Variants in PSD3 observed in about 807,000 individuals in gnomAD.
PSD3 encodes the protein PH and SEC7 domain-containing protein 3.
Under a neutral mutation model 105.5 loss-of-function variants are expected in PSD3, and 49 were observed. The observed-to-expected ratio is 0.46, with a 90% confidence interval of 0.37 to 0.59. The LOEUF (loss-of-function observed/expected upper bound fraction) is 0.59. Ranked by LOEUF, PSD3 falls within the 20% of genes least tolerant of loss-of-function variation. The pLI is 0.00. For missense variants in PSD3, 1,561 were observed against 1,263.8 expected (o/e 1.24, Z -3.57); for synonymous variants, 557 against 457.8 (o/e 1.22, Z -2.77).
chr8:18,767,027 T>G (rs897605584), intron 8 of PSD3, among the ~76,000 whole-genome samples: 6 of 152,142 alleles, frequency 3.9e-5, no homozygotes, highest in Admixed American at 1.3e-4. Context: ...TCACTGTATA[T>G]AGAAATAATC....
At chr8:18,978,926 A>G (rs1825100604) in intron 1 of PSD3, among the ~76,000 whole-genome samples, 1 of 152,092 alleles carries the variant, frequency 6.6e-6, no homozygotes, top group African/African-American at 2.4e-5. Flanking sequence ...CAACCACAGA[A>G]GAGCTTCCAG....
chr8:18,834,739 A>G (rs907760161), intron 4 of PSD3, among the ~76,000 whole-genome samples: 23 of 152,336 alleles, frequency 1.5e-4, no homozygotes, highest in African/African-American at 3.8e-4. Context: ...ACGCCATGAA[A>G]AAAAGGGAGA....
intron 2 of PSD3, among the ~76,000 whole-genome samples, chr8:18,886,473 G>A (rs1199084906): frequency 1.3e-5 from 2 of 152,058 alleles, no homozygotes; most frequent in African/African-American, 4.8e-5. Context: ...GTCTCCTACT[G>A]GGACGCTCGA....
intron 2 of PSD3, among the ~76,000 whole-genome samples, chr8:18,918,022 G>C (rs923857520): frequency 6.6e-6 from 1 of 152,112 alleles, no homozygotes; most frequent in Non-Finnish European, 1.5e-5. Context: ...CCTACTTCCA[G>C]AATGATTTCC....
chr8:18,560,941 G>A (rs1466560974), intron 14 of PSD3, among the ~76,000 whole-genome samples: 4 of 152,150 alleles, frequency 2.6e-5, no homozygotes, highest in African/African-American at 9.7e-5. Flanking sequence ...ATATAGGTTA[G>A]ACCCTTTTTT....
rs535388241 is a variant in PSD3 at position 18,909,290 on chromosome 8, C to T, written c.130+26744G>A. Among the ~76,000 whole-genome samples, 4 of 152,164 alleles carry T rather than the reference C, an allele frequency of 2.6e-5. No individual in the cohort carries two copies. The South Asian group carries it at 8.3e-4, about 32-fold the overall frequency. On this transcript the variant is annotated intron_variant, in intron 2 of 15. Coordinates refer to ENST00000327040, the MANE Select transcript of PSD3 (RefSeq NM_015310.4). ...CGTTATCTCTCCCTTAAGGTTTGAC[C>T]GTGGCCCCATTAACACCACTGTCTT...
intron 1 of PSD3, among the ~76,000 whole-genome samples, chr8:18,991,225 G>A (rs1284593767): frequency 6.6e-6 from 1 of 152,058 alleles, no homozygotes; most frequent in East Asian, 1.9e-4. Flanking sequence ...AAGTCAGACT[G>A]AATTTCAGTG....
At chr8:18,607,707 AAAAAAG>A (rs1804955730) in intron 11 of PSD3, among the ~76,000 whole-genome samples, 1 of 148,922 alleles carries the variant, frequency 6.7e-6, no homozygotes, top group Non-Finnish European at 1.5e-5. Flanking sequence ...AAAACAAAAA[AAAAAAG>A]GAAGTCAGGT....
chr8:18,626,530 A>T (rs1019355034), intron 11 of PSD3, among the ~76,000 whole-genome samples: 2 of 152,128 alleles, frequency 1.3e-5, no homozygotes, highest in African/African-American at 4.8e-5. Context: ...GATTCTCAGA[A>T]TTATTTGGAG....
At chr8:18,899,108 A>T (rs11784826) in intron 2 of PSD3, among the ~76,000 whole-genome samples, 1 of 152,134 alleles carries the variant, frequency 6.6e-6, no homozygotes, top group African/African-American at 2.4e-5. Context: ...TCTCATGTCA[A>T]TTTGTTTTCT....
intron 1 of PSD3, among the ~76,000 whole-genome samples, chr8:19,025,170 C>G (rs1484894658): frequency 6.8e-6 from 1 of 146,548 alleles, no homozygotes; most frequent in African/African-American, 2.4e-5. Context: ...TAGGTTTCAC[C>G]TAGGATCTCA....
rs1291746452 is a variant in PSD3 at position 18,528,172 on chromosome 8, A to G, written c.*7571T>C. 6.6e-6 allele frequency: 1 copy of G among 151,800 alleles called. No individual in the cohort carries two copies. Among genetic ancestry groups the G allele is most frequent in the Non-Finnish European group, 1.5e-5 (1 of 68,040 alleles). 9.4% of individuals were successfully genotyped at this position (151,800 alleles called of 1,614,324 possible). ...GAAATGGGTTCCTAAAGCTTGAGAT[A>G]TAAGAGACTGCAGGGAGGTGGTTAG... On this transcript the variant is annotated 3_prime_UTR_variant, in exon 16 of 16. Transcript: ENST00000327040.
intron 1 of PSD3, among the ~76,000 whole-genome samples, chr8:19,038,467 C>G (rs1170917595): frequency 6.6e-6 from 1 of 152,006 alleles, no homozygotes; most frequent in African/African-American, 2.4e-5. Context: ...ATCTATTTGT[C>G]TATCTATTTG....
intron 4 of PSD3, among the ~76,000 whole-genome samples, chr8:18,825,749 C>A (rs773215094): frequency 6.6e-6 from 1 of 152,210 alleles, no homozygotes; most frequent in African/African-American, 2.4e-5. Context: ...AACCTCCACA[C>A]GCAACTCATT....
chr8:18,562,211 T>C (rs948165727), intron 14 of PSD3, among the ~76,000 whole-genome samples: 6 of 152,116 alleles, frequency 3.9e-5, no homozygotes, highest in Non-Finnish European at 7.4e-5. Context: ...GCCACCAGTC[T>C]TTTCCTCCAA....
At chr8:18,580,381 G>A (rs571493027) in intron 12 of PSD3, among the ~76,000 whole-genome samples, 7 of 152,100 alleles carry the variant, frequency 4.6e-5, no homozygotes, top group African/African-American at 1.4e-4. Flanking sequence ...CTCCCCTGAT[G>A]CGACCCAGTA....
At chr8:18,579,882 A>G (rs901060985) in intron 12 of PSD3, among the ~76,000 whole-genome samples, 9 of 152,196 alleles carry the variant, frequency 5.9e-5, no homozygotes, top group Admixed American at 3.3e-4. Flanking sequence ...ACTTAAAACA[A>G]TTTTAAACAC....
chr8:18,609,438 A>T (rs947331202), intron 11 of PSD3, among the ~76,000 whole-genome samples: 5 of 152,246 alleles, frequency 3.3e-5, no homozygotes, highest in African/African-American at 1.2e-4. Context: ...AATGAACTTG[A>T]AAACAAAGAT....
chr8:18,585,834 G>A (rs1410889827), intron 12 of PSD3, among the ~76,000 whole-genome samples: 1 of 152,106 alleles, frequency 6.6e-6, no homozygotes, highest in Admixed American at 6.5e-5. Context: ...GAGGTTCGCA[G>A]AGGATAATTA....
Sources: gnomAD v4.1 joint callset for allele counts (sites outside exome capture counted in the v4.1 genomes callset) on GRCh38, gnomAD v4.1.1 for gene constraint, MANE v1.5 for transcripts, NCBI Gene and HGNC (gene_info 2026-07-23, HGNC 2026-07-21) for gene names.